The following CFHR4 variants were observed in gnomAD, a reference collection of about 807,000 sequenced individuals.
CFHR4 encodes complement factor H-related protein 4.
CFHR4 carries 64 observed loss-of-function variants against 69.3 expected under a neutral mutation model. That is an observed-to-expected ratio of 0.92 (90% CI 0.76 to 1.14). CFHR4 has a LOEUF of 1.14. CFHR4 is among the 50% of genes most tolerant of loss of function. The pLI is 0.00. For missense variants in CFHR4, 636 were observed against 684.9 expected (o/e 0.93, Z 0.80); for synonymous variants, 244 against 237.0 (o/e 1.03, Z -0.27).
chr1:196,918,252 TAC>T lies in CFHR4; in HGVS notation c.1585_1586del (p.Gln529ValfsTer6). 2.5e-6 allele frequency: 4 copies of T among 1,606,752 alleles called. No homozygotes were observed. Among genetic ancestry groups the T allele is most frequent in the Non-Finnish European group, 3.4e-6 (4 of 1,175,022 alleles). ...GAAGAAAACATGAATAAAAATAACA[TAC>T]AGTTAAAAGGAAAAAGTGACATAAA... On this transcript the variant is annotated frameshift_variant, in exon 10 of 10. Transcript: ENST00000608469. LOFTEE classifies it low-confidence loss of function (END_TRUNC).
In CFHR4 at chr1:196,910,427, G is replaced by C; in HGVS notation, c.946G>C (p.Asp316His). 6.2e-7 allele frequency: 1 copy of C among 1,612,768 alleles called. No individual in the cohort carries two copies. The highest frequency in any genetic ancestry group is 2.2e-5 in the East Asian group (1 of 44,798). The change falls in exon 6 of 10, where the codon GAT becomes CAT. Residue 316 changes from aspartate to histidine, a missense_variant. Coordinates refer to ENST00000608469, the MANE Select transcript of CFHR4 (RefSeq NM_001201550.3). The part of the protein sequence containing the change: ...NFVTPSGSYW[D>H]YIHCTQDGWL... ...TGTGACTCCTTCAGGAAGTTACTGG[G>C]ATTACATTCACTGCACACAAGATGG... is the stretch of plus-strand genomic sequence containing the variant.
At position 196,918,346 on chromosome 1, in the gene CFHR4, A is replaced by T; in HGVS notation, c.1677A>T (p.Ser559=). The stretch of plus-strand genomic sequence containing the variant: ...AATTGGGATATAATGCGAATACATC[A>T]GTTCTATCATTTCAAGCAGTGTGTA... ...MCKLGYNANT[S]VLSFQAVCRE... is the part of the protein sequence containing the mutation. Residue 559 remains serine (S), a synonymous_variant, in exon 10 of 10, where the codon TCA becomes TCT. Transcript: ENST00000608469. The T allele has an allele frequency of 3.1e-6, 5 of 1,612,242 alleles. 1 individual carries two copies. Among genetic ancestry groups the T allele is most frequent in the Non-Finnish European group, 4.2e-6 (5 of 1,179,174 alleles).
At chr1:196,895,065 A>C (rs1657220868) in intron 1 of CFHR4, among the ~76,000 whole-genome samples, 1 of 151,158 alleles carries the variant, frequency 6.6e-6, no homozygotes, top group Non-Finnish European at 1.5e-5. Context: ...GTCAAAAAAA[A>C]TTATATTAAA....
chr1:196,916,300 C>A (rs1332824416), intron 9 of CFHR4, among the ~76,000 whole-genome samples: 2 of 151,734 alleles, frequency 1.3e-5, no homozygotes, highest in Non-Finnish European at 2.9e-5. Context: ...CCCTGGGATA[C>A]CCATCAGTCC....
intron 1 of CFHR4, among the ~76,000 whole-genome samples, chr1:196,889,463 C>T (rs1224282298): frequency 1.3e-5 from 2 of 151,528 alleles, no homozygotes; most frequent in Non-Finnish European, 2.9e-5. Context: ...ATAAGCTCTA[C>T]TTTCTTAGTT....
At chr1:196,916,768 TTCTCACAATCAAGAACAGGAAAGGA>T (rs1558253841) in intron 9 of CFHR4, among the ~76,000 whole-genome samples, 1 of 151,482 alleles carries the variant, frequency 6.6e-6, no homozygotes, top group Non-Finnish European at 1.5e-5. Context: ...GCATTACCTC[TTCTCACAATCAAGAACAGGAAAGGA>T]TTATAATTAT....
intron 1 of CFHR4, among the ~76,000 whole-genome samples, chr1:196,895,566 AT>A (rs1171872533): frequency 2.0e-5 from 3 of 149,620 alleles, no homozygotes; most frequent in Non-Finnish European, 4.5e-5. Flanking sequence ...CTCTTTTTTG[AT>A]TTTTTTCCTT....
intron 4 of CFHR4, 135 bp from the exon 5 acceptor site, chr1:196,907,181 A>T: frequency 1.7e-6 from 2 of 1,207,694 alleles, no homozygotes; most frequent in Non-Finnish European, 1.2e-6. Context: ...TTGAAACTTA[A>T]AAAAAAAGGT....
chr1:196,907,126 A>C, intron 4 of CFHR4, 89 bp downstream of exon 4: 1 of 1,260,588 alleles, frequency 7.9e-7, no homozygotes, highest in Non-Finnish European at 1.1e-6. Flanking sequence ...GTATGAATAC[A>C]TATGTGTACA....
chr1:196,896,691 A>C (rs555269523), intron 1 of CFHR4, among the ~76,000 whole-genome samples: 1 of 151,616 alleles, frequency 6.6e-6, no homozygotes, highest in South Asian at 2.1e-4. Context: ...TGTGAGTGCA[A>C]CTTACGATCC....
At position 196,893,152 on chromosome 1, in the gene CFHR4, C is replaced by T. The variant is rs775840053; in HGVS notation, c.58+4944C>T. On this transcript the variant is annotated intron_variant, in intron 1 of 9. Coordinates refer to ENST00000608469, the MANE Select transcript of CFHR4 (RefSeq NM_001201550.3). ...TTTAAAATGATTGGTTTCAAACTAT[C>T]ACAGCATAGAAGACAATATATAGAT... 2.4e-4 allele frequency among the ~76,000 whole-genome samples: 37 copies of T among 151,680 alleles called. 2 individuals carry two copies. Among genetic ancestry groups the T allele is most frequent in the Admixed American group, 5.3e-4 (8 of 15,234 alleles).
At chr1:196,917,931 A>G (rs1658746958) in intron 9 of CFHR4, among the ~76,000 whole-genome samples, 2 of 151,534 alleles carry the variant, frequency 1.3e-5, no homozygotes, top group Non-Finnish European at 2.9e-5. Flanking sequence ...GGTGGACACA[A>G]CATGTTTTAG....
chr1:196,896,079 C>T (rs1041688934), intron 1 of CFHR4, among the ~76,000 whole-genome samples: 9 of 148,660 alleles, frequency 6.1e-5, no homozygotes, highest in African/African-American at 2.3e-4. Flanking sequence ...CATGCAGTTG[C>T]TTTGGAACAT....
At chr1:196,899,343 G>C (rs1657473786) in intron 1 of CFHR4, among the ~76,000 whole-genome samples, 1 of 151,530 alleles carries the variant, frequency 6.6e-6, no homozygotes, top group East Asian at 1.9e-4. Flanking sequence ...TGCCCAGGCT[G>C]GAGTGCAGCA....
At chr1:196,908,677 A>G (rs1658056171) in intron 5 of CFHR4, among the ~76,000 whole-genome samples, 1 of 151,504 alleles carries the variant, frequency 6.6e-6, no homozygotes, top group South Asian at 2.1e-4. Flanking sequence ...AAAACCTAAA[A>G]GAAAATTTGC....
Position 196,912,917 on chromosome 1 carries a change from G to T in CFHR4, c.1175G>T (p.Cys392Phe). Reference sequence around the variant, plus strand: ...AATGGATGGTCAGCACAACCAATTTGCATTAGTAAGTGATTTACATATTCC... The same window carrying T: ...AATGGATGGTCAGCACAACCAATTTTCATTAGTAAGTGATTTACATATTCC... ...LQNGWSAQPI[C>F]IKFCDMPVFE... The change falls in exon 7 of 10, where the codon TGC (cysteine) becomes TTC (phenylalanine). Residue 392 changes from cysteine to phenylalanine, a missense_variant. Cys to Phe is a radical substitution (Grantham distance 205). Around this residue, in one of 3 missense-constraint regions of CFHR4, gnomAD observed 529 missense variants for 533.2 expected, o/e 0.99. Coordinates refer to ENST00000608469, the MANE Select transcript of CFHR4 (RefSeq NM_001201550.3). 1.9e-6 allele frequency: 3 copies of T among 1,611,510 alleles called. No homozygotes were observed. Among genetic ancestry groups the T allele is most frequent in the Non-Finnish European group, 2.5e-6 (3 of 1,178,828 alleles).
intron 1 of CFHR4, among the ~76,000 whole-genome samples, chr1:196,898,471 T>C (rs1657425280): frequency 6.6e-6 from 1 of 151,574 alleles, no homozygotes; most frequent in African/African-American, 2.4e-5. Context: ...TTAAAACAAT[T>C]ATTGTAAACT....
intron 5 of CFHR4, 110 bp from the exon 6 acceptor site, chr1:196,910,171 G>GAAA: frequency 3.1e-5 from 15 of 488,200 alleles, no homozygotes; most frequent in South Asian, 1.4e-4. Flanking sequence ...AAAAAGTAAA[G>GAAA]AAAAAAAAAA....
intron 1 of CFHR4, among the ~76,000 whole-genome samples, chr1:196,890,083 AAG>A (rs1656939090): frequency 6.6e-6 from 1 of 151,534 alleles, no homozygotes; most frequent in Admixed American, 6.6e-5. Flanking sequence ...AATTTATTAA[AAG>A]AATATTAACT....
Sources: gnomAD v4.1 joint callset for allele counts (sites outside exome capture counted in the v4.1 genomes callset) on GRCh38, gnomAD v4.1.1 for gene constraint, gnomAD v4.1.1 regional missense constraint, MANE v1.5 for transcripts, NCBI Gene and HGNC (gene_info 2026-07-23, HGNC 2026-07-21) for gene names.